Variants in DLGAP2 observed in about 807,000 individuals in gnomAD.
DLGAP2 encodes disks large-associated protein 2.
DLGAP2 carries 26 observed loss-of-function variants against 100.3 expected under a neutral mutation model. The observed-to-expected ratio is 0.26, with a 90% CI of 0.19 to 0.36. The LOEUF (loss-of-function observed/expected upper bound fraction) is 0.36. Among genes scored for constraint, DLGAP2 ranks in the 10% least tolerant of loss-of-function variants. The pLI is 1.00. For synonymous variants in DLGAP2, 886 were observed against 630.1 expected, an observed-to-expected ratio of 1.41 and a Z score of -6.08; for missense variants, 1,858 against 1,453.2, an observed-to-expected ratio of 1.28 and a Z score of -4.53.
At chr8:1,119,978 G>A (rs1421314824) in intron 2 of DLGAP2, among the ~76,000 whole-genome samples, 1 of 152,192 alleles carries the variant, frequency 6.6e-6, no homozygotes, top group Non-Finnish European at 1.5e-5. Flanking sequence ...GATGAAAAGT[G>A]GGACTCAGCA....
At chr8:972,873 C>T (rs556262513) in intron 2 of DLGAP2, among the ~76,000 whole-genome samples, 55 of 152,254 alleles carry the variant, frequency 3.6e-4, no homozygotes, top group African/African-American at 1.2e-3. Flanking sequence ...CATCTTGCAC[C>T]GCCCTTAATC....
chr8:863,443 C>T (rs1418473866), intron 1 of DLGAP2, among the ~76,000 whole-genome samples: 4 of 152,212 alleles, frequency 2.6e-5, no homozygotes, highest in Admixed American at 2.6e-4. Context: ...TAAACAGATA[C>T]AGCACCTTGT....
chr8:1,368,235 CATGT>C (rs1585305756), intron 3 of DLGAP2, among the ~76,000 whole-genome samples: 1 of 151,506 alleles, frequency 6.6e-6, no homozygotes, highest in Non-Finnish European at 1.5e-5. Context: ...GGTGTGTATG[CATGT>C]ATGTGTGAGC....
chr8:1,194,548 C>G (rs893845506), intron 2 of DLGAP2, among the ~76,000 whole-genome samples: 7 of 152,186 alleles, frequency 4.6e-5, no homozygotes, highest in African/African-American at 1.7e-4. Flanking sequence ...TTCTCCATCA[C>G]ATGCAGAGTT....
At chr8:1,230,955 T>C (rs559626112) in intron 2 of DLGAP2, among the ~76,000 whole-genome samples, 6 of 152,152 alleles carry the variant, frequency 3.9e-5, no homozygotes, top group African/African-American at 1.2e-4. Context: ...TGGGAAAGGA[T>C]TTATGACTTA....
At chr8:904,078 G>A (rs1257454919) in intron 1 of DLGAP2, among the ~76,000 whole-genome samples, 2 of 152,240 alleles carry the variant, frequency 1.3e-5, no homozygotes, top group African/African-American at 4.8e-5. Context: ...AGCTGGGGCC[G>A]AGTTTCTTCA....
At chr8:814,825 C>A (rs1421130737) in intron 1 of DLGAP2, among the ~76,000 whole-genome samples, 1 of 125,990 alleles carries the variant, frequency 7.9e-6, no homozygotes, top group Non-Finnish European at 1.6e-5. Context: ...CCACTCCAGC[C>A]TGGCAACAGA....
chr8:1,121,988 A>C (rs1242675041), intron 2 of DLGAP2, among the ~76,000 whole-genome samples: 1 of 152,112 alleles, frequency 6.6e-6, no homozygotes, highest in Non-Finnish European at 1.5e-5. Context: ...TGTTGCCCCA[A>C]CCCATACAGA....
chr8:777,845 C>A (rs1167944129), intron 1 of DLGAP2, among the ~76,000 whole-genome samples: 1 of 152,036 alleles, frequency 6.6e-6, no homozygotes. Context: ...TTGCTCTTCT[C>A]GAGGAGTATC....
chr8:1,633,779 G>C (rs1024470317), intron 8 of DLGAP2, among the ~76,000 whole-genome samples: 40 of 152,228 alleles, frequency 2.6e-4, no homozygotes, highest in African/African-American at 9.4e-4. Flanking sequence ...GTTGGGGACT[G>C]AGGTGTTCTG....
chr8:887,906 C>T (rs1797953726), intron 1 of DLGAP2, among the ~76,000 whole-genome samples: 1 of 152,076 alleles, frequency 6.6e-6, no homozygotes, highest in Admixed American at 6.6e-5. Context: ...TTCCTGAATT[C>T]CTAGCATGTT....
At chr8:780,678 C>G (rs1821659051) in intron 1 of DLGAP2, among the ~76,000 whole-genome samples, 1 of 152,222 alleles carries the variant, frequency 6.6e-6, no homozygotes, top group South Asian at 2.1e-4. Flanking sequence ...TGCTGGTTAG[C>G]TCAGTCTGCA....
chr8:1,576,873 C>T (rs916270019), intron 6 of DLGAP2, among the ~76,000 whole-genome samples: 1 of 152,024 alleles, frequency 6.6e-6, no homozygotes, highest in African/African-American at 2.4e-5. Context: ...CAGTGCCATC[C>T]CCATCAAGCT....
At chr8:1,242,773 T>C (rs1000374655) in intron 2 of DLGAP2, among the ~76,000 whole-genome samples, 7 of 152,094 alleles carry the variant, frequency 4.6e-5, no homozygotes, top group African/African-American at 1.2e-4. Context: ...GACAGACGGA[T>C]GGATGGATAG....
intron 2 of DLGAP2, among the ~76,000 whole-genome samples, chr8:999,176 C>G (rs1020929577): frequency 6.6e-6 from 1 of 151,856 alleles, no homozygotes; most frequent in African/African-American, 2.4e-5. Context: ...GTGCACCTGT[C>G]CAGTCCCCTC....
intron 2 of DLGAP2, among the ~76,000 whole-genome samples, chr8:1,110,507 C>T (rs1185178476): frequency 1.5e-5 from 2 of 137,402 alleles, no homozygotes; most frequent in African/African-American, 5.5e-5. Context: ...TGTGCACGTG[C>T]CTGTGAAGTG....
chr8:1,205,154 C>A (rs1190725707), intron 2 of DLGAP2, among the ~76,000 whole-genome samples: 2 of 152,254 alleles, frequency 1.3e-5, no homozygotes, highest in Middle Eastern at 3.4e-3. Flanking sequence ...CTGGAAAGGT[C>A]CATCGCGTTT....
At chr8:1,486,227 G>A (rs1361972537) in intron 3 of DLGAP2, among the ~76,000 whole-genome samples, 1 of 152,160 alleles carries the variant, frequency 6.6e-6, no homozygotes, top group Non-Finnish European at 1.5e-5. Context: ...CAGATCATAA[G>A]AGCCAGAGCC....
chr8:1,458,992 G>A (rs1443857773), intron 3 of DLGAP2, among the ~76,000 whole-genome samples: 2 of 152,046 alleles, frequency 1.3e-5, no homozygotes, highest in South Asian at 4.1e-4. Context: ...TACCCGAGGG[G>A]TCACCCTACA....
Sources: gnomAD v4.1 joint callset for allele counts (sites outside exome capture counted in the v4.1 genomes callset) on GRCh38, gnomAD v4.1.1 for gene constraint, MANE v1.5 for transcripts, NCBI Gene and HGNC (gene_info 2026-07-23, HGNC 2026-07-21) for gene names.